The following EIF4E variants were observed in gnomAD, a reference collection of about 807,000 sequenced individuals.
The protein encoded by EIF4E is eIF-4F 25 kDa subunit.
For missense variants in EIF4E, 113 were observed against 265.6 expected (o/e 0.43, Z 3.99); for synonymous variants, 71 against 88.5 (o/e 0.80, Z 1.11).
chr4:98,905,509 G>T, intron 1 of EIF4E, among the ~76,000 whole-genome samples: 1 of 152,154 alleles, frequency 6.6e-6, no homozygotes, highest in East Asian at 1.9e-4. Context: ...AAACCAAAGA[G>T]CTAGAATGGT....
chr4:98,915,957 G>A (rs1029002052), intron 1 of EIF4E, among the ~76,000 whole-genome samples: 4 of 151,618 alleles, frequency 2.6e-5, no homozygotes, highest in East Asian at 2.0e-4. Flanking sequence ...TTGGGAGGCC[G>A]AGGCGGGCGG....
At chr4:98,928,841 G>A (rs1659933503) in intron 1 of EIF4E, 2 of 1,532,878 alleles carry the variant, frequency 1.3e-6, no homozygotes, top group Non-Finnish European at 1.8e-6. Context: ...GGTTCCGCAG[G>A]AGGCGCCACG....
At position 98,884,897 on chromosome 4, in the gene EIF4E, T is replaced by G. The variant is rs374882767; in HGVS notation, c.539+25A>C. 1.3e-5 allele frequency: 21 copies of G among 1,611,232 alleles called. No homozygotes were observed. The African/African-American group carries it at 1.6e-4, about 12-fold the overall frequency. On this transcript the variant is annotated intron_variant, in intron 6 of 6. Coordinates refer to ENST00000450253, the MANE Select transcript of EIF4E (RefSeq NM_001968.5). ...TTTTACTCATCTTAATACTGTAAAA[T>G]AAGTAGGCAAAGAGCAAAACTTACC...
chr4:98,904,859 T>C (rs924835065), intron 1 of EIF4E, among the ~76,000 whole-genome samples: 1 of 152,140 alleles, frequency 6.6e-6, no homozygotes, highest in Admixed American at 6.5e-5. Flanking sequence ...TGTGTATGTA[T>C]GAATCAGTAA....
chr4:98,893,831 G>C (rs577177008), intron 2 of EIF4E, among the ~76,000 whole-genome samples: 94 of 152,264 alleles, frequency 6.2e-4, no homozygotes, highest in Non-Finnish European at 9.8e-4. Context: ...AATCCTTTCG[G>C]AAGGTTTTCC....
chr4:98,890,182 G>T (rs1724089796), intron 3 of EIF4E, among the ~76,000 whole-genome samples: 1 of 152,130 alleles, frequency 6.6e-6, no homozygotes, highest in African/African-American at 2.4e-5. Flanking sequence ...TGTTTCTGCT[G>T]TTGAAGATGT....
intron 5 of EIF4E, chr4:98,886,597 C>T: frequency 2.7e-6 from 1 of 373,966 alleles, no homozygotes; most frequent in South Asian, 2.1e-5. Flanking sequence ...CACCTGTAGT[C>T]CCAGCTACTT....
chr4:98,925,479 A>G (rs1560658336), intron 1 of EIF4E, among the ~76,000 whole-genome samples: 1 of 152,204 alleles, frequency 6.6e-6, no homozygotes, highest in South Asian at 2.1e-4. Flanking sequence ...GAATAACATC[A>G]GAGTACCGTT....
chr4:98,891,443 G>A, intron 2 of EIF4E, 111 bp from the exon 3 acceptor site: 10 of 881,926 alleles, frequency 1.1e-5, no homozygotes, highest in Admixed American at 4.3e-5. Context: ...ATCAACAGAT[G>A]AATGAAAAAT....
chr4:98,908,436 G>A (rs1724975281), intron 1 of EIF4E, among the ~76,000 whole-genome samples: 1 of 152,144 alleles, frequency 6.6e-6, no homozygotes, highest in Admixed American at 6.5e-5. Context: ...ACTTTCTGTA[G>A]CTGAACTGGA....
intron 1 of EIF4E, among the ~76,000 whole-genome samples, chr4:98,917,084 AC>A (rs1441936262): frequency 2.5e-4 from 7 of 28,176 alleles, no homozygotes; most frequent in African/African-American, 2.1e-3. Context: ...CCTTTTCTAA[AC>A]ACACACACAC....
rs895579057 is a variant in EIF4E at position 98,887,397 on chromosome 4, T to C, written c.286-205A>G. ...ATTAGAGTCCTGGCTTTGTCACTTA[T>C]TAGCTATCAAATCTTGGGTTTCACT... On this transcript the variant is annotated intron_variant, in intron 4 of 6. Coordinates refer to ENST00000450253, the MANE Select transcript of EIF4E (RefSeq NM_001968.5). The surrounding 1 kb of genome is among the most constrained non-coding windows in gnomAD (Gnocchi z 4.0). Among the ~76,000 whole-genome samples the C allele has an allele frequency of 6.6e-6, 1 of 152,242 alleles. No homozygotes were observed. The highest frequency in any genetic ancestry group is 1.5e-5 in the Non-Finnish European group (1 of 68,040).
intron 1 of EIF4E, among the ~76,000 whole-genome samples, chr4:98,903,972 G>A (rs1294603049): frequency 6.6e-6 from 1 of 152,170 alleles, no homozygotes; most frequent in Non-Finnish European, 1.5e-5. Context: ...ATGAGAGACT[G>A]GCAGGCAGGT....
At chr4:98,908,488 G>A (rs1724977441) in intron 1 of EIF4E, among the ~76,000 whole-genome samples, 1 of 152,132 alleles carries the variant, frequency 6.6e-6, no homozygotes, top group Non-Finnish European at 1.5e-5. Context: ...TGCTACATAT[G>A]GCAAAGACAG....
chr4:98,908,784 G>A (rs758717585), intron 1 of EIF4E, among the ~76,000 whole-genome samples: 1 of 152,106 alleles, frequency 6.6e-6, no homozygotes, highest in Non-Finnish European at 1.5e-5. Context: ...ATAATCCCGT[G>A]AAACAACCAT....
intron 1 of EIF4E, among the ~76,000 whole-genome samples, chr4:98,924,842 G>A (rs1023913540): frequency 2.0e-5 from 3 of 151,518 alleles, no homozygotes; most frequent in Admixed American, 6.6e-5. Context: ...ATCCCCACCC[G>A]CCTCGGCCTC....
chr4:98,928,826 C>T, intron 1 of EIF4E: 3 of 1,522,462 alleles, frequency 2.0e-6, no homozygotes, highest in Non-Finnish European at 2.7e-6. Flanking sequence ...CTGTAGACAC[C>T]TCGCGGTTCC....
chr4:98,908,801 C>T (rs1454913622), intron 1 of EIF4E, among the ~76,000 whole-genome samples: 1 of 152,166 alleles, frequency 6.6e-6, no homozygotes, highest in Non-Finnish European at 1.5e-5. Flanking sequence ...CCATTATTCT[C>T]TCCACTCTTC....
At chr4:98,901,387 C>T (rs534542667) in intron 2 of EIF4E, among the ~76,000 whole-genome samples, 1 of 152,040 alleles carries the variant, frequency 6.6e-6, no homozygotes, top group South Asian at 2.1e-4. Flanking sequence ...TTAGTAGAGA[C>T]GGGGTTTCAC....
Sources: allele counts gnomAD v4.1 joint callset (sites outside exome capture counted in the v4.1 genomes callset), GRCh38; gene constraint gnomAD v4.1.1; non-coding constraint Gnocchi (gnomAD v3.1); transcripts MANE v1.5; gene names NCBI Gene and HGNC (gene_info 2026-07-23, HGNC 2026-07-21).